Variants in SARS1 observed in about 807,000 individuals in gnomAD.
SARS1 encodes seryl-tRNA synthetase 1.
SARS1 carries 25 observed loss-of-function variants against 63.7 expected under a neutral mutation model. The observed-to-expected ratio is 0.39, with a 90% CI of 0.29 to 0.55. The LOEUF is 0.55. SARS1 is among the 20% of genes least tolerant of loss of function. The probability of loss-of-function intolerance (pLI) is 0.62; values close to 1 mark genes in which losing one functional copy is unlikely to be tolerated. For synonymous variants in SARS1, 231 were observed against 243.5 expected (o/e 0.95, Z 0.48); for missense variants, 417 against 649.7 (o/e 0.64, Z 3.89).
intron 1 of SARS1, chr1:109,216,828 G>T (rs140146734): frequency 1.5e-6 from 1 of 662,294 alleles, no homozygotes; most frequent in Non-Finnish European, 1.9e-6. Flanking sequence ...TCGTCATGTT[G>T]CCTAGGCTGG....
chr1:109,221,310 C>G (rs571292447), intron 1 of SARS1, among the ~76,000 whole-genome samples: 1 of 152,216 alleles, frequency 6.6e-6, no homozygotes, highest in South Asian at 2.1e-4. Flanking sequence ...CCGCCCGCCT[C>G]GGCCTCCCAA....
chr1:109,230,797 C>A, intron 4 of SARS1, 81 bp from the exon 5 acceptor site: 1 of 1,314,850 alleles, frequency 7.6e-7, no homozygotes, highest in South Asian at 1.4e-5. Flanking sequence ...GGCGTAAGAC[C>A]CTGTCTCCAA....
At chr1:109,225,658 A>AC (rs1655048002) in intron 2 of SARS1, among the ~76,000 whole-genome samples, 1 of 152,334 alleles carries the variant, frequency 6.6e-6, no homozygotes, top group Non-Finnish European at 1.5e-5. Context: ...ACTTTCACAG[A>AC]CATCTTATTT....
rs1655013299 is a variant in SARS1 at position 109,223,997 on chromosome 1, C to G, written c.156C>G (p.Asn52Lys). ...EWRRCRFRAD[N>K]LNKLKNLCSK... ...TCCTAGGTAGATTTCGGGCAGACAA[C>G]TTGAACAAGCTGAAGAACCTATGCA... Residue 52 changes from asparagine to lysine, a missense_variant, in exon 2 of 11, where the codon AAC (asparagine) becomes AAG (lysine). Transcript: ENST00000234677. 1 of 1,613,334 alleles carries G rather than the reference C, an allele frequency of 6.2e-7. No individual in the cohort carries two copies. Among genetic ancestry groups the G allele is most frequent in the African/African-American group, 1.3e-5 (1 of 74,870 alleles).
In SARS1 at chr1:109,237,504, G is replaced by A. The variant is rs967137592; in HGVS notation, c.1387+131G>A. On this transcript the variant is annotated intron_variant, in intron 10 of 10. Coordinates refer to ENST00000234677, the MANE Select transcript of SARS1 (RefSeq NM_006513.4). The surrounding 1 kb of genome is among the most constrained non-coding windows in gnomAD (Gnocchi z 4.1). ...CCCCTGAAACTCTGTCTGCCCTCTCGGGCTGGGCAGGGCAGGGGGCCTGGT... is the reference window on the plus strand; with the variant it reads ...CCCCTGAAACTCTGTCTGCCCTCTCAGGCTGGGCAGGGCAGGGGGCCTGGT... 2.7e-5 allele frequency: 37 copies of A among 1,383,248 alleles called. No individual in the cohort carries two copies. Among genetic ancestry groups the A allele is most frequent in the South Asian group, 3.8e-5 (3 of 79,326 alleles). The allele number at this position is 1,383,248 out of a possible 1,614,324, so 85.7% of individuals were successfully genotyped here.
chr1:109,230,804 C>T, intron 4 of SARS1, 74 bp from the exon 5 acceptor site: 2 of 1,366,324 alleles, frequency 1.5e-6, no homozygotes, highest in Non-Finnish European at 2.0e-6. Flanking sequence ...GACCCTGTCT[C>T]CAAAAAAAAA....
chr1:109,215,170 A>T (rs138877658), intron 1 of SARS1: 1 of 985,314 alleles, frequency 1.0e-6, no homozygotes, highest in Non-Finnish European at 1.2e-6. Context: ...TGCTGATTCT[A>T]TGTCTTAGGC....
intron 6 of SARS1, among the ~76,000 whole-genome samples, chr1:109,234,627 C>A (rs140760449): frequency 6.6e-6 from 1 of 152,166 alleles, no homozygotes; most frequent in Non-Finnish European, 1.5e-5. Context: ...TGCATACCTG[C>A]CAGCATTGAC....
At chr1:109,218,058 T>G (rs1570752968) in intron 1 of SARS1, among the ~76,000 whole-genome samples, 1 of 150,962 alleles carries the variant, frequency 6.6e-6, no homozygotes, top group South Asian at 2.1e-4. Flanking sequence ...CCGGGCATGG[T>G]GGGGGGCGCC....
intron 1 of SARS1, chr1:109,216,241 C>T: frequency 1.0e-6 from 1 of 985,388 alleles, no homozygotes; most frequent in Non-Finnish European, 1.2e-6. Context: ...ATTAAGAACT[C>T]AGATCATGCT....
At chr1:109,231,857 G>C in intron 6 of SARS1, 71 bp downstream of exon 6, 1 of 1,297,442 alleles carries the variant, frequency 7.7e-7, no homozygotes, top group Non-Finnish European at 1.0e-6. Context: ...ATGCAGAGTG[G>C]TGCTGTCCAA....
At position 109,231,798 on chromosome 1, in the gene SARS1, G is replaced by A; in HGVS notation, c.747+12G>A. 6.6e-7 allele frequency: 1 copy of A among 1,505,844 alleles called. No homozygotes were observed. 93.3% of individuals were successfully genotyped at this position (1,505,844 alleles called of 1,614,324 possible). A position where few individuals can be genotyped will look rare whatever the true frequency, so the allele number is the denominator to read the frequency against. ...AAGAACTTTATAAGGTGAGTAGCCTGGGTCAGGTGACAGAATGACTTCTTA... is the reference window on the plus strand; with the variant it reads ...AAGAACTTTATAAGGTGAGTAGCCTAGGTCAGGTGACAGAATGACTTCTTA... On this transcript the variant is annotated intron_variant, in intron 6 of 10. Transcript: ENST00000234677.
At chr1:109,225,138 C>T (rs533289110) in intron 2 of SARS1, among the ~76,000 whole-genome samples, 1 of 152,182 alleles carries the variant, frequency 6.6e-6, no homozygotes, top group African/African-American at 2.4e-5. Context: ...ATTAAATGCA[C>T]TTTACAATCT....
intron 4 of SARS1, among the ~76,000 whole-genome samples, chr1:109,230,648 A>C (rs1008794117): frequency 2.0e-5 from 3 of 152,070 alleles, no homozygotes; most frequent in Admixed American, 6.5e-5. Flanking sequence ...CTCTACAAAA[A>C]ATACAAAAAT....
intron 5 of SARS1, 62 bp downstream of exon 5, chr1:109,231,083 ATTTTT>A (rs61633547): frequency 1.6e-5 from 11 of 680,992 alleles, no homozygotes; most frequent in African/African-American, 1.1e-4. Flanking sequence ...ATATATATAT[ATTTTT>A]TTTTTTTTTT....
At chr1:109,228,243 G>C (rs1312100238) in intron 2 of SARS1, 109 bp from the exon 3 acceptor site, 2 of 819,394 alleles carry the variant, frequency 2.4e-6, no homozygotes, top group African/African-American at 3.5e-5. Context: ...ATTTATGTAA[G>C]AAGTTCTGTG....
At chr1:109,231,047 A>G (rs745670577) in intron 5 of SARS1, 26 bp downstream of exon 5, 10 of 1,344,708 alleles carry the variant, frequency 7.4e-6, no homozygotes, top group Non-Finnish European at 8.6e-6. Context: ...CAGTGAGGAT[A>G]GGATTATGAA....
chr1:109,225,802 C>T (rs1300258043), intron 2 of SARS1, among the ~76,000 whole-genome samples: 1 of 152,128 alleles, frequency 6.6e-6, no homozygotes, highest in Non-Finnish European at 1.5e-5. Context: ...CAGAGTCAAA[C>T]CTTGAGCTCA....
At chr1:109,234,898 G>T (rs1190873109) in intron 6 of SARS1, among the ~76,000 whole-genome samples, 1 of 152,198 alleles carries the variant, frequency 6.6e-6, no homozygotes, top group Non-Finnish European at 1.5e-5. Flanking sequence ...CCTGGGAGGT[G>T]GAGGTTGCAG....
Sources: gnomAD v4.1 joint callset for allele counts (sites outside exome capture counted in the v4.1 genomes callset) on GRCh38, gnomAD v4.1.1 for gene constraint, Gnocchi (gnomAD v3.1) non-coding constraint, MANE v1.5 for transcripts, NCBI Gene and HGNC (gene_info 2026-07-23, HGNC 2026-07-21) for gene names.